Variants in ZEB1 observed in about 807,000 individuals in gnomAD.
The protein encoded by ZEB1 is zinc finger E-box binding homeobox 1.
In ZEB1, 21 loss-of-function variants were observed where a neutral mutation model predicts 84.9. That is an observed-to-expected ratio of 0.25 (90% CI 0.18 to 0.36). The LOEUF (loss-of-function observed/expected upper bound fraction) is 0.36, where lower values mean the gene tolerates loss of function less well. Among genes scored for constraint, ZEB1 ranks in the 10% least tolerant of loss-of-function variants. ZEB1 has a pLI of 1.00. For synonymous variants in ZEB1, 420 were observed against 471.1 expected (o/e 0.89, Z 1.41); for missense variants, 1,104 against 1,330.2 (o/e 0.83, Z 2.65).
At chr10:31,506,820 A>G (rs1005957271) in intron 4 of ZEB1, among the ~76,000 whole-genome samples, 1 of 152,048 alleles carries the variant, frequency 6.6e-6, no homozygotes, top group Non-Finnish European at 1.5e-5. Flanking sequence ...TTTGTGTATC[A>G]TTTGTTCCTT....
intron 1 of ZEB1, among the ~76,000 whole-genome samples, chr10:31,330,486 G>C: frequency 6.6e-6 from 1 of 152,184 alleles, no homozygotes; most frequent in East Asian, 1.9e-4. Flanking sequence ...TGCGAGTGTT[G>C]TCTTCAAGGT....
chr10:31,444,922 T>A (rs1239456724), intron 1 of ZEB1, among the ~76,000 whole-genome samples: 1 of 152,166 alleles, frequency 6.6e-6, no homozygotes, highest in African/African-American at 2.4e-5. Flanking sequence ...CATATGAACT[T>A]TAAAGTAGTT....
chr10:31,386,998 A>AT (rs1215488018), intron 1 of ZEB1: 1 of 771,328 alleles, frequency 1.3e-6, no homozygotes, highest in Non-Finnish European at 1.6e-6. Context: ...AGAGAATGTG[A>AT]TTTTAAGAAT....
intron 1 of ZEB1, among the ~76,000 whole-genome samples, chr10:31,408,542 C>T (rs368885374): frequency 6.7e-6 from 1 of 148,632 alleles, no homozygotes; most frequent in Non-Finnish European, 1.5e-5. Flanking sequence ...GGTACCAAAA[C>T]AGAGATATAG....
intron 1 of ZEB1, among the ~76,000 whole-genome samples, chr10:31,367,970 C>T (rs1279797999): frequency 4.0e-5 from 6 of 149,270 alleles, no homozygotes; most frequent in African/African-American, 1.3e-4. Context: ...TATATATATA[C>T]ACACACACAT....
chr10:31,486,111 C>T (rs1489609678), intron 2 of ZEB1, among the ~76,000 whole-genome samples: 2 of 151,612 alleles, frequency 1.3e-5, no homozygotes, highest in Admixed American at 6.6e-5. Context: ...ATGGGTGTGC[C>T]ACAGTTTATC....
chr10:31,359,347 G>A (rs1368217858), intron 1 of ZEB1, among the ~76,000 whole-genome samples: 2 of 151,952 alleles, frequency 1.3e-5, no homozygotes, highest in African/African-American at 2.4e-5. Context: ...GAACTCTTAT[G>A]TGTTATGATA....
chr10:31,361,268 C>T, intron 1 of ZEB1: 1 of 1,544,220 alleles, frequency 6.5e-7, no homozygotes, highest in Non-Finnish European at 8.9e-7. Flanking sequence ...TCTCGGCTCA[C>T]TGCAACCTCC....
intron 1 of ZEB1, among the ~76,000 whole-genome samples, chr10:31,401,425 A>G (rs1333047584): frequency 1.3e-5 from 2 of 152,182 alleles, no homozygotes; most frequent in Non-Finnish European, 2.9e-5. Context: ...TCAGAAGGAA[A>G]GTTGTAACAT....
chr10:31,336,590 A>G lies in ZEB1; in HGVS notation c.58+17298A>G, dbSNP rs1231580684. ...TTTGTTTCACTAATAGATACTGTAGAGTGCCTAATCCCGTATTTAGCACAT... is the reference window on the plus strand; with the variant it reads ...TTTGTTTCACTAATAGATACTGTAGGGTGCCTAATCCCGTATTTAGCACAT... On this transcript the variant is annotated intron_variant, in intron 1 of 8. Transcript: ENST00000424869. Among the ~76,000 whole-genome samples the G allele has an allele frequency of 2.0e-5, 3 of 152,278 alleles. No individual in the cohort carries two copies. The East Asian group carries it at 5.8e-4, about 29-fold the overall frequency.
chr10:31,503,942 G>A (rs1013182370), intron 4 of ZEB1, among the ~76,000 whole-genome samples: 2 of 144,594 alleles, frequency 1.4e-5, no homozygotes, highest in African/African-American at 5.8e-5. Flanking sequence ...TGAATAGTTT[G>A]TGTATTCTTC....
At position 31,528,229 on chromosome 10, in the gene ZEB1, C is replaced by T. The variant is rs1432088426; in HGVS notation, c.*965C>T. 6.6e-6 allele frequency: 1 copy of T among 152,184 alleles called. No individual in the cohort carries two copies. The highest frequency in any genetic ancestry group is 1.5e-5 in the Non-Finnish European group (1 of 68,016). 9.4% of individuals were successfully genotyped at this position (152,184 alleles called of 1,614,324 possible). A position where few individuals can be genotyped will look rare whatever the true frequency, so the allele number is the denominator to read the frequency against. ...ATAACTAGCATTTGTTGATTTGTCT[C>T]TTGTATCAAAATTCCCAAATAAAAC... On this transcript the variant is annotated 3_prime_UTR_variant, in exon 9 of 9. Transcript: ENST00000424869.
chr10:31,335,057 C>G (rs2037702572), intron 1 of ZEB1, among the ~76,000 whole-genome samples: 1 of 152,056 alleles, frequency 6.6e-6, no homozygotes, highest in Non-Finnish European at 1.5e-5. Flanking sequence ...TTGTCTTTAA[C>G]TCAGACCTAT....
chr10:31,471,907 TCA>T lies in ZEB1; in HGVS notation c.259+10672_259+10673del, dbSNP rs534714333. ...AAACTAGAACTCAGGATTAAGAATC[TCA>T]CTCAAAACCACTCAACTACATGGAA... is the stretch of plus-strand genomic sequence containing the variant. On this transcript the variant is annotated intron_variant, in intron 2 of 8. Coordinates refer to ENST00000424869, the MANE Select transcript of ZEB1 (RefSeq NM_001174096.2). 1.6e-3 allele frequency among the ~76,000 whole-genome samples: 228 copies of T among 142,998 alleles called. 3 individuals carry two copies. The highest frequency in any genetic ancestry group is 6.1e-3 in the African/African-American group (204 of 33,214). 93.8% of individuals were successfully genotyped at this position (142,998 alleles called of 152,430 possible). A position where few individuals can be genotyped will look rare whatever the true frequency, so the allele number is the denominator to read the frequency against.
intron 1 of ZEB1, chr10:31,387,156 T>C: frequency 1.0e-6 from 1 of 985,828 alleles, no homozygotes; most frequent in Non-Finnish European, 1.2e-6. Context: ...AAGAGGAATA[T>C]AAAGAGGTCC....
rs199825536 is a variant in ZEB1 at position 31,363,545 on chromosome 10, G to A, written c.58+44253G>A. Reference sequence around the variant, plus strand: ...CCCCTTTTATTGTCCTCCTGCCCCTGGGTCTCTACCTGGTCTTTCACCTCT... The same window carrying A: ...CCCCTTTTATTGTCCTCCTGCCCCTAGGTCTCTACCTGGTCTTTCACCTCT... On this transcript the variant is annotated intron_variant, in intron 1 of 8. Coordinates refer to ENST00000424869, the MANE Select transcript of ZEB1 (RefSeq NM_001174096.2). 2.2e-5 allele frequency: 34 copies of A among 1,528,218 alleles called. No homozygotes were observed. The East Asian group carries it at 7.8e-4, about 35-fold the overall frequency. 94.7% of individuals were successfully genotyped at this position (1,528,218 alleles called of 1,614,324 possible). A position where few individuals can be genotyped will look rare whatever the true frequency, so the allele number is the denominator to read the frequency against.
At chr10:31,508,766 G>C (rs898561184) in intron 4 of ZEB1, among the ~76,000 whole-genome samples, 3 of 152,116 alleles carry the variant, frequency 2.0e-5, no homozygotes, top group Non-Finnish European at 4.4e-5. Flanking sequence ...TTCTTACTGG[G>C]GAGGGCAAGG....
rs899200987 is a variant in ZEB1 at position 31,357,623 on chromosome 10, GT to G, written c.58+38340del. ...GAAAATATACAAAAAGTAGCATATG[GT>G]TTTTTTTTAAAGCTAGGAATGGGTA... On this transcript the variant is annotated intron_variant, in intron 1 of 8. Transcript: ENST00000424869. Among the ~76,000 whole-genome samples, 53 of 151,412 alleles carry G rather than the reference GT, an allele frequency of 3.5e-4. No individual in the cohort carries two copies. The South Asian group carries it at 0.01, about 29-fold the overall frequency.
At position 31,502,345 on chromosome 10, in the gene ZEB1, T is replaced by A; in HGVS notation, c.323-3T>A. ...CTGTCTTAAAAGTATGCATTTTTTT[T>A]AGTAAAAGATGATGAATGCGAGTCA... On this transcript the variant is annotated splice_polypyrimidine_tract_variant and splice_region_variant and intron_variant, in intron 3 of 8. Coordinates refer to ENST00000424869, the MANE Select transcript of ZEB1 (RefSeq NM_001174096.2). 3.1e-6 allele frequency: 5 copies of A among 1,613,592 alleles called. No homozygotes were observed. The highest frequency in any genetic ancestry group is 3.4e-6 in the Non-Finnish European group (4 of 1,179,646).
Sources: gnomAD v4.1 joint callset for allele counts (sites outside exome capture counted in the v4.1 genomes callset) on GRCh38, gnomAD v4.1.1 for gene constraint, MANE v1.5 for transcripts, NCBI Gene and HGNC (gene_info 2026-07-23, HGNC 2026-07-21) for gene names.